Variants in TPMT observed in about 807,000 individuals in gnomAD.
TPMT encodes the protein thiopurine S-methyltransferase, also known as S-adenosyl-L-methionine:thiopurine S-methyltransferase.
Under a neutral mutation model 34.2 loss-of-function variants are expected in TPMT, and 18 were observed. The observed-to-expected ratio is 0.53, with a 90% confidence interval of 0.36 to 0.78. The LOEUF (loss-of-function observed/expected upper bound fraction) is 0.78, where lower values mean the gene tolerates loss of function less well. Ranked by LOEUF, TPMT falls within the 30% of genes least tolerant of loss-of-function variation. TPMT has a pLI of 0.00. For missense variants in TPMT, 265 were observed against 288.1 expected (o/e 0.92, Z 0.58); for synonymous variants, 69 against 92.4 (o/e 0.75, Z 1.45).
rs138432867 is a variant in TPMT, at chr6:18,136,884, G to A, written c.494+2079C>T. On this transcript the variant is annotated intron_variant, in intron 6 of 8. Transcript: ENST00000309983. The surrounding 1 kb of genome is among the most constrained non-coding windows in gnomAD (Gnocchi z 4.7). ...GTAGGACAAATATTGGCAATTTTTG[G>A]GTGAGAGCATAAGGCTGAGGATGGT... Among the ~76,000 whole-genome samples, 756 of 152,228 alleles carry A rather than the reference G, an allele frequency of 5.0e-3. 4 individuals carry two copies. The highest frequency in any genetic ancestry group is 0.014 in the South Asian group (66 of 4,818).
At position 18,146,070 on chromosome 6, in the gene TPMT, T is replaced by C. The variant is rs1450924672; in HGVS notation, c.233+1753A>G. Among the ~76,000 whole-genome samples, 3 of 152,238 alleles carry C rather than the reference T, an allele frequency of 2.0e-5. No homozygotes were observed. The highest frequency in any genetic ancestry group is 1.3e-4 in the Admixed American group (2 of 15,284). ...AGTTTTTCTATTCACATCTCATGTC[T>C]GTATAGACCTCAATACATAGATCAG... is the stretch of plus-strand genomic sequence containing the variant. On this transcript the variant is annotated intron_variant, in intron 3 of 8. Coordinates refer to ENST00000309983, the MANE Select transcript of TPMT (RefSeq NM_000367.5). This position sits in a 1 kb window ranked among gnomAD's most constrained non-coding sequence, Gnocchi z 6.2.
In TPMT at chr6:18,132,345, T is replaced by C. The variant is rs552655518; in HGVS notation, c.581-168A>G. ...AATTGACTTACTGAGAGGATGGCAA[T>C]GTTACATCCCCATCATATCCATCTT... On this transcript the variant is annotated intron_variant, in intron 7 of 8. Transcript: ENST00000309983. The surrounding 1 kb of genome is among the most constrained non-coding windows in gnomAD (Gnocchi z 4.8). 1.3e-5 allele frequency among the ~76,000 whole-genome samples: 2 copies of C among 152,192 alleles called. No homozygotes were observed. Among genetic ancestry groups the C allele is most frequent in the South Asian group, 4.1e-4 (2 of 4,834 alleles).
rs1053247165 is a variant in TPMT, at chr6:18,131,361, T to C, written c.626-581A>G. Among the ~76,000 whole-genome samples the C allele has an allele frequency of 9.2e-5, 14 of 152,148 alleles. No homozygotes were observed. The highest frequency in any genetic ancestry group is 3.1e-4 in the African/African-American group (13 of 41,434). On this transcript the variant is annotated intron_variant, in intron 8 of 8. Coordinates refer to ENST00000309983, the MANE Select transcript of TPMT (RefSeq NM_000367.5). The surrounding 1 kb of genome is among the most constrained non-coding windows in gnomAD (Gnocchi z 4.3). ...TGGGAGGCCAAGACAAGAGGATCAC[T>C]TGAGCCCAGGAGTTCGAGACCAGCC...
In TPMT at chr6:18,150,977, G is replaced by C. The variant is rs1784342874; in HGVS notation, c.-44-1806C>G. On this transcript the variant is annotated intron_variant, in intron 1 of 8. Transcript: ENST00000309983. The surrounding 1 kb of genome is among the most constrained non-coding windows in gnomAD (Gnocchi z 5.3). ...GATTCACCAGCCTCGGCTTCCCAAAGTGCTGGGATTCCAGGCGTGGGCCAC... is the reference window on the plus strand; with the variant it reads ...GATTCACCAGCCTCGGCTTCCCAAACTGCTGGGATTCCAGGCGTGGGCCAC... Among the ~76,000 whole-genome samples the C allele has an allele frequency of 6.6e-6, 1 of 152,184 alleles. No individual in the cohort carries two copies. The highest frequency in any genetic ancestry group is 6.5e-5 in the Admixed American group (1 of 15,270).
rs1783955022 is a variant in TPMT, at chr6:18,132,026, C to G, written c.625+107G>C. The G allele has an allele frequency of 8.2e-7, 1 of 1,212,892 alleles. No homozygotes were observed. Among genetic ancestry groups the G allele is most frequent in the African/African-American group, 1.5e-5 (1 of 66,800 alleles). The allele number at this position is 1,212,892 out of a possible 1,614,324, so 75.1% of individuals were successfully genotyped here. A position where few individuals can be genotyped will look rare whatever the true frequency, so the allele number is the denominator to read the frequency against. ...TCCTGGCCTCAGGTGATCTGCCCACCTTGGCCTCCCAAAGTGCTGGAAATA... is the reference window on the plus strand; with the variant it reads ...TCCTGGCCTCAGGTGATCTGCCCACGTTGGCCTCCCAAAGTGCTGGAAATA... On this transcript the variant is annotated intron_variant, in intron 8 of 8. Coordinates refer to ENST00000309983, the MANE Select transcript of TPMT (RefSeq NM_000367.5). This position sits in a 1 kb window ranked among gnomAD's most constrained non-coding sequence, Gnocchi z 4.8.
intron 1 of TPMT, among the ~76,000 whole-genome samples, chr6:18,152,727 G>T (rs537502160): frequency 1.3e-4 from 20 of 152,174 alleles, no homozygotes; most frequent in African/African-American, 4.3e-4. Context: ...TGGGCCAAGA[G>T]TAGATAGAGC....
In TPMT at chr6:18,149,260, T is replaced by C; in HGVS notation, c.-44-89A>G. The C allele has an allele frequency of 8.6e-7, 1 of 1,156,562 alleles. No homozygotes were observed. The highest frequency in any genetic ancestry group is 1.6e-5 in the African/African-American group (1 of 64,370). 71.6% of individuals were successfully genotyped at this position (1,156,562 alleles called of 1,614,324 possible). A position where few individuals can be genotyped will look rare whatever the true frequency, so the allele number is the denominator to read the frequency against. ...TGAAAACCTATTATTCTTAGCAGTA[T>C]GACTTTTTAAAAATATTTCTTTCTT... On this transcript the variant is annotated intron_variant, in intron 1 of 8. Coordinates refer to ENST00000309983, the MANE Select transcript of TPMT (RefSeq NM_000367.5). The surrounding 1 kb of genome is among the most constrained non-coding windows in gnomAD (Gnocchi z 5.0).
rs1784237495 is a variant in TPMT at position 18,145,841 on chromosome 6, A to T, written c.233+1982T>A. On this transcript the variant is annotated intron_variant, in intron 3 of 8. Coordinates refer to ENST00000309983, the MANE Select transcript of TPMT (RefSeq NM_000367.5). This position sits in a 1 kb window ranked among gnomAD's most constrained non-coding sequence, Gnocchi z 5.6. ...CCTGTAATAAAAACAAAATAAGACC[A>T]AGTGTGGTGGCTTATGCCTGTTATC... Among the ~76,000 whole-genome samples the T allele has an allele frequency of 6.6e-6, 1 of 152,166 alleles. No homozygotes were observed. The highest frequency in any genetic ancestry group is 2.4e-5 in the African/African-American group (1 of 41,452).
rs1784317778 is a variant in TPMT at position 18,149,692 on chromosome 6, T to C, written c.-44-521A>G. On this transcript the variant is annotated intron_variant, in intron 1 of 8. Transcript: ENST00000309983. This position sits in a 1 kb window ranked among gnomAD's most constrained non-coding sequence, Gnocchi z 5.0. ...TGTTGTCCAGACAACAAAGAACGCC[T>C]GGGCTCAAGGGATCCTTCTGTCTTG... Among the ~76,000 whole-genome samples the C allele has an allele frequency of 6.6e-6, 1 of 152,146 alleles. No individual in the cohort carries two copies. The highest frequency in any genetic ancestry group is 2.1e-4 in the South Asian group (1 of 4,820).
chr6:18,135,284 C>T lies in TPMT; in HGVS notation c.495-1395G>A, dbSNP rs574525348. Among the ~76,000 whole-genome samples the T allele has an allele frequency of 6.6e-6, 1 of 152,156 alleles. No homozygotes were observed. The highest frequency in any genetic ancestry group is 1.5e-5 in the Non-Finnish European group (1 of 68,030). On this transcript the variant is annotated intron_variant, in intron 6 of 8. Coordinates refer to ENST00000309983, the MANE Select transcript of TPMT (RefSeq NM_000367.5). This position sits in a 1 kb window ranked among gnomAD's most constrained non-coding sequence, Gnocchi z 5.0. ...CTGTCCCCATGAGGGGGATGTCAGA[C>T]TGGTTTGGTAGGGTTTCCTAGGACT...
Position 18,129,381 on chromosome 6 carries a change from T to A in TPMT, c.*1287A>T, listed in dbSNP as rs543530514. ...TATCTCTGGGGAGAGTACCGTAGCT[T>A]TCACCAGTGTTAAAGGGGACCCCAA... is the stretch of plus-strand genomic sequence containing the variant. On this transcript the variant is annotated 3_prime_UTR_variant, in exon 9 of 9. Coordinates refer to ENST00000309983, the MANE Select transcript of TPMT (RefSeq NM_000367.5). 1 of 152,308 alleles carries A rather than the reference T, an allele frequency of 6.6e-6. No individual in the cohort carries two copies. The highest frequency in any genetic ancestry group is 2.1e-4 in the South Asian group (1 of 4,830). 9.4% of individuals were successfully genotyped at this position (152,308 alleles called of 1,614,324 possible).
Position 18,148,106 on chromosome 6 carries a change from C to T in TPMT, c.141-191G>A, listed in dbSNP as rs1465000423. Among the ~76,000 whole-genome samples, 1 of 152,180 alleles carries T rather than the reference C, an allele frequency of 6.6e-6. No homozygotes were observed. Among genetic ancestry groups the T allele is most frequent in the Non-Finnish European group, 1.5e-5 (1 of 68,048 alleles). On this transcript the variant is annotated intron_variant, in intron 2 of 8. Coordinates refer to ENST00000309983, the MANE Select transcript of TPMT (RefSeq NM_000367.5). This position sits in a 1 kb window ranked among gnomAD's most constrained non-coding sequence, Gnocchi z 4.1. ...CCCAGTCAGTGGTAAATCTGACTTA[C>T]ACCCAGGGCTTTCCTGATTAGTAAT... is the stretch of plus-strand genomic sequence containing the variant.
In TPMT at chr6:18,147,688, C is replaced by A. The variant is rs1442611576; in HGVS notation, c.233+135G>T. On this transcript the variant is annotated intron_variant, in intron 3 of 8. Coordinates refer to ENST00000309983, the MANE Select transcript of TPMT (RefSeq NM_000367.5). Reference sequence around the variant, plus strand: ...TGAGAATATTATTTCCAATTATATACCCATCACTAATAGAAAAATAAGGAA... The same window carrying A: ...TGAGAATATTATTTCCAATTATATAACCATCACTAATAGAAAAATAAGGAA... 1.3e-5 allele frequency: 10 copies of A among 745,022 alleles called. No individual in the cohort carries two copies. In the South Asian group the frequency reaches 1.4e-4, roughly 10 times the overall value. 46.2% of individuals were successfully genotyped at this position (745,022 alleles called of 1,614,324 possible). A position where few individuals can be genotyped will look rare whatever the true frequency, so the allele number is the denominator to read the frequency against.
At position 18,132,664 on chromosome 6, in the gene TPMT, T is replaced by C. The variant is rs902232958; in HGVS notation, c.581-487A>G. ...CTTTGTTAGGGCTTCTGTTCATTAA[T>C]GGAATTTAAATCAGATTAGCAGAGC... On this transcript the variant is annotated intron_variant, in intron 7 of 8. Coordinates refer to ENST00000309983, the MANE Select transcript of TPMT (RefSeq NM_000367.5). This position sits in a 1 kb window ranked among gnomAD's most constrained non-coding sequence, Gnocchi z 4.8. 1.3e-5 allele frequency among the ~76,000 whole-genome samples: 2 copies of C among 152,190 alleles called. No individual in the cohort carries two copies. Among genetic ancestry groups the C allele is most frequent in the Non-Finnish European group, 2.9e-5 (2 of 68,028 alleles).
rs1372110908 is a variant in TPMT, at chr6:18,139,729, T to C, written c.367-12A>G. On this transcript the variant is annotated splice_polypyrimidine_tract_variant and intron_variant, in intron 4 of 8. Transcript: ENST00000309983. This position sits in a 1 kb window ranked among gnomAD's most constrained non-coding sequence, Gnocchi z 4.2. Reference sequence around the variant, plus strand: ...TTCCCCGAAGAACTCTGTAATGAAATAATGAAAAAAAAATTTTTTTTTTTT... The same window carrying C: ...TTCCCCGAAGAACTCTGTAATGAAACAATGAAAAAAAAATTTTTTTTTTTT... 1.9e-6 allele frequency: 3 copies of C among 1,551,904 alleles called. No individual in the cohort carries two copies.
Position 18,135,655 on chromosome 6 carries a change from T to C in TPMT, c.495-1766A>G, listed in dbSNP as rs1236940560. Among the ~76,000 whole-genome samples, 1 of 152,118 alleles carries C rather than the reference T, an allele frequency of 6.6e-6. No individual in the cohort carries two copies. Among genetic ancestry groups the C allele is most frequent in the Non-Finnish European group, 1.5e-5 (1 of 68,012 alleles). On this transcript the variant is annotated intron_variant, in intron 6 of 8. Transcript: ENST00000309983. The surrounding 1 kb of genome is among the most constrained non-coding windows in gnomAD (Gnocchi z 5.0). ...GGGAGGCCGAGGTGGGCAGATCACCTGAGGTCGGGAGTTCGAGACCAGCCT... is the reference window on the plus strand; with the variant it reads ...GGGAGGCCGAGGTGGGCAGATCACCCGAGGTCGGGAGTTCGAGACCAGCCT...
intron 7 of TPMT, among the ~76,000 whole-genome samples, chr6:18,133,412 C>T (rs1422649851): frequency 6.6e-6 from 1 of 152,214 alleles, no homozygotes; most frequent in Non-Finnish European, 1.5e-5. Context: ...CTTCTCACCC[C>T]GTGCTTGTGT....
rs1241317935 is a variant in TPMT at position 18,131,506 on chromosome 6, G to A, written c.625+627C>T. Among the ~76,000 whole-genome samples, 3 of 152,114 alleles carry A rather than the reference G, an allele frequency of 2.0e-5. No homozygotes were observed. The highest frequency in any genetic ancestry group is 7.2e-5 in the African/African-American group (3 of 41,418). ...GAGGTGGGAGGATCACTTGTGCCCAGGGAGGTCGAGGCTGCAGTGAGCTGT... is the reference window on the plus strand; with the variant it reads ...GAGGTGGGAGGATCACTTGTGCCCAAGGAGGTCGAGGCTGCAGTGAGCTGT... On this transcript the variant is annotated intron_variant, in intron 8 of 8. Coordinates refer to ENST00000309983, the MANE Select transcript of TPMT (RefSeq NM_000367.5). This position sits in a 1 kb window ranked among gnomAD's most constrained non-coding sequence, Gnocchi z 4.3.
At position 18,146,560 on chromosome 6, in the gene TPMT, T is replaced by C. The variant is rs1241621265; in HGVS notation, c.233+1263A>G. On this transcript the variant is annotated intron_variant, in intron 3 of 8. Coordinates refer to ENST00000309983, the MANE Select transcript of TPMT (RefSeq NM_000367.5). The surrounding 1 kb of genome is among the most constrained non-coding windows in gnomAD (Gnocchi z 6.2). ...TTCAACAATCACATTTAATTGGCTA[T>C]TTCATACCATTTTCCTAATGTTGCC... is the stretch of plus-strand genomic sequence containing the variant. Among the ~76,000 whole-genome samples, 3 of 152,196 alleles carry C rather than the reference T, an allele frequency of 2.0e-5. No individual in the cohort carries two copies. Among genetic ancestry groups the C allele is most frequent in the Non-Finnish European group, 4.4e-5 (3 of 68,028 alleles).
Sources: allele counts gnomAD v4.1 joint callset (sites outside exome capture counted in the v4.1 genomes callset), GRCh38; gene constraint gnomAD v4.1.1; non-coding constraint Gnocchi (gnomAD v3.1); transcripts MANE v1.5; gene names NCBI Gene and HGNC (gene_info 2026-07-23, HGNC 2026-07-21).